SIPA1L3: variants seen among roughly 807,000 people sequenced by gnomAD.
SIPA1L3 encodes the protein signal-induced proliferation-associated 1-like protein 3.
Under a neutral mutation model 150.1 loss-of-function variants are expected in SIPA1L3, and 59 were observed. The observed-to-expected ratio is 0.39, with a 90% CI of 0.32 to 0.49. The LOEUF is 0.49. Among genes scored for constraint, SIPA1L3 ranks in the 20% least tolerant of loss-of-function variants. The pLI is 0.86. For missense variants in SIPA1L3, 2,211 were observed against 2,489.5 expected (o/e 0.89, Z 2.38); for synonymous variants, 1,070 against 1,077.6 (o/e 0.99, Z 0.14).
chr19:38,154,369 T>C, intron 13 of SIPA1L3, among the ~76,000 whole-genome samples: 1 of 152,248 alleles, frequency 6.6e-6, no homozygotes, highest in Non-Finnish European at 1.5e-5. Context: ...TTGATGAACA[T>C]AGGTTCACAT....
rs544447158 is a variant in SIPA1L3 at position 38,089,344 on chromosome 19, A to G, written c.1665+493A>G. Among the ~76,000 whole-genome samples, 137 of 151,964 alleles carry G rather than the reference A, an allele frequency of 9.0e-4. 1 individual carries two copies. Among genetic ancestry groups the G allele is most frequent in the African/African-American group, 2.7e-3 (113 of 41,450 alleles). On this transcript the variant is annotated intron_variant, in intron 4 of 21. Coordinates refer to ENST00000222345, the MANE Select transcript of SIPA1L3 (RefSeq NM_015073.3). ...ACTGTGTCTCAAAAAAAAAAAAAAA[A>G]AAAGAAAAAAAAAATTAAATGATTT...
intron 10 of SIPA1L3, among the ~76,000 whole-genome samples, chr19:38,135,590 GA>G (rs777266792): frequency 1.3e-5 from 2 of 152,226 alleles, no homozygotes; most frequent in Non-Finnish European, 1.5e-5. Context: ...GAAAGGCAAA[GA>G]AAAGTCTGCA....
At chr19:37,973,554 A>AAAAGG (rs1966993910) in intron 1 of SIPA1L3, among the ~76,000 whole-genome samples, 1 of 31,712 alleles carries the variant, frequency 3.2e-5, no homozygotes, top group South Asian at 1.8e-3. Flanking sequence ...AAAAAAAAAA[A>AAAAGG]GCGGGAGGGG....
chr19:38,201,584 A>G (rs910493655), intron 19 of SIPA1L3, among the ~76,000 whole-genome samples: 1 of 151,970 alleles, frequency 6.6e-6, no homozygotes, highest in Admixed American at 6.6e-5. Flanking sequence ...GCTAGCTCGC[A>G]CTCTCATCTA....
At chr19:37,946,155 C>CA (rs35985422) in intron 1 of SIPA1L3, among the ~76,000 whole-genome samples, 13,383 of 134,866 alleles carry the variant, frequency 0.099, 671 homozygotes, top group Non-Finnish European at 0.11. Context: ...GACTTTGTCT[C>CA]AAAAAAAAAA....
chr19:38,106,693 C>A, intron 7 of SIPA1L3, 53 bp downstream of exon 7: 2 of 1,201,388 alleles, frequency 1.7e-6, no homozygotes, highest in Non-Finnish European at 2.5e-6. Flanking sequence ...GCCCACCCAC[C>A]AGCATTGGCC....
intron 15 of SIPA1L3, among the ~76,000 whole-genome samples, chr19:38,174,580 G>A (rs531609131): frequency 1.7e-4 from 26 of 152,106 alleles, no homozygotes; most frequent in Non-Finnish European, 3.4e-4. Flanking sequence ...AACCAGACAC[G>A]GTGGCTCGCC....
intron 1 of SIPA1L3, among the ~76,000 whole-genome samples, chr19:37,997,034 C>T (rs900899294): frequency 1.1e-4 from 16 of 151,924 alleles, no homozygotes; most frequent in Admixed American, 1.3e-4. Context: ...AGGGAATATT[C>T]CATTTGGGTT....
In SIPA1L3 at chr19:38,047,684, T is replaced by C. The variant is rs1969092264; in HGVS notation, c.-311+18528T>C. Among the ~76,000 whole-genome samples, 1 of 152,176 alleles carries C rather than the reference T, an allele frequency of 6.6e-6. No homozygotes were observed. Among genetic ancestry groups the C allele is most frequent in the African/African-American group, 2.4e-5 (1 of 41,442 alleles). On this transcript the variant is annotated intron_variant, in intron 2 of 21. Transcript: ENST00000222345. This position sits in a 1 kb window ranked among gnomAD's most constrained non-coding sequence, Gnocchi z 4.7. ...TTTGCCCGCCCCTGCCACACTGGTA[T>C]CTTTCCCTTGATGCTGACGGAGGGA... is the stretch of plus-strand genomic sequence containing the variant.
intron 4 of SIPA1L3, among the ~76,000 whole-genome samples, chr19:38,089,977 T>C (rs1469889735): frequency 6.6e-6 from 1 of 152,122 alleles, no homozygotes; most frequent in East Asian, 1.9e-4. Context: ...GCTCTCACCA[T>C]GTCATGGGAA....
At chr19:38,106,496 A>G (rs1323622836) in intron 6 of SIPA1L3, 41 bp from the exon 7 acceptor site, 2 of 1,364,426 alleles carry the variant, frequency 1.5e-6, no homozygotes, top group Non-Finnish European at 2.1e-6. Context: ...AAAAACCCAG[A>G]GGTTTTGGAA....
chr19:38,180,758 T>A (rs1412167967), intron 15 of SIPA1L3, among the ~76,000 whole-genome samples: 1 of 152,092 alleles, frequency 6.6e-6, no homozygotes, highest in Non-Finnish European at 1.5e-5. Flanking sequence ...TTGGTCAGGC[T>A]GGTCTCGAAC....
intron 8 of SIPA1L3, among the ~76,000 whole-genome samples, chr19:38,115,732 T>C (rs960802265): frequency 2.0e-5 from 3 of 152,222 alleles, no homozygotes; most frequent in Non-Finnish European, 4.4e-5. Flanking sequence ...CATCACTTGC[T>C]CAGAGAGGCC....
chr19:38,158,881 A>G (rs1972010745), intron 13 of SIPA1L3, among the ~76,000 whole-genome samples: 2 of 152,174 alleles, frequency 1.3e-5, no homozygotes, highest in African/African-American at 4.8e-5. Context: ...ACCCAAGTGG[A>G]GGTGCTGCAG....
chr19:38,106,458 C>A, intron 6 of SIPA1L3, 79 bp from the exon 7 acceptor site: 1 of 913,136 alleles, frequency 1.1e-6, no homozygotes, highest in South Asian at 1.3e-5. Context: ...AAGTTAAAAA[C>A]CAGCACAGAT....
intron 1 of SIPA1L3, among the ~76,000 whole-genome samples, chr19:37,959,416 C>A (rs1358035990): frequency 6.6e-6 from 1 of 152,126 alleles, no homozygotes; most frequent in African/African-American, 2.4e-5. Context: ...AGAAACCAGA[C>A]CCAAAAGAGC....
chr19:38,182,014 T>C (rs1314738538), intron 15 of SIPA1L3, among the ~76,000 whole-genome samples: 3 of 151,550 alleles, frequency 2.0e-5, no homozygotes, highest in Non-Finnish European at 4.4e-5. Context: ...TAGTGGTGCA[T>C]GCCTGTAGTC....
intron 1 of SIPA1L3, among the ~76,000 whole-genome samples, chr19:37,988,652 G>A (rs1452588418): frequency 1.3e-5 from 2 of 152,162 alleles, no homozygotes. Flanking sequence ...CTCCAGCCTG[G>A]GCGACAGAGC....
intron 1 of SIPA1L3, among the ~76,000 whole-genome samples, chr19:37,976,543 G>A (rs1348991838): frequency 6.6e-6 from 1 of 152,034 alleles, no homozygotes; most frequent in Non-Finnish European, 1.5e-5. Flanking sequence ...GCAGCTCTGG[G>A]GTGTCTCTCA....
Sources: gnomAD v4.1 joint callset for allele counts (sites outside exome capture counted in the v4.1 genomes callset) on GRCh38, gnomAD v4.1.1 for gene constraint, Gnocchi (gnomAD v3.1) non-coding constraint, MANE v1.5 for transcripts, NCBI Gene and HGNC (gene_info 2026-07-23, HGNC 2026-07-21) for gene names.